TRMT2A: variants seen among roughly 807,000 people sequenced by gnomAD.
TRMT2A encodes tRNA (uracil-5-)-methyltransferase homolog A.
Under a neutral mutation model 59.3 loss-of-function variants are expected in TRMT2A, and 60 were observed. The observed-to-expected ratio is 1.01, with a 90% CI of 0.82 to 1.26. The LOEUF (loss-of-function observed/expected upper bound fraction) is 1.26, where lower values mean the gene tolerates loss of function less well. Ranked by LOEUF, TRMT2A falls within the 50% of genes most tolerant of loss-of-function variation. TRMT2A has a pLI of 0.00. For synonymous variants in TRMT2A, 403 were observed against 353.7 expected (o/e 1.14, Z -1.56); for missense variants, 863 against 845.2 (o/e 1.02, Z -0.26).
Position 20,115,041 on chromosome 22 carries a change from G to A in TRMT2A, c.929C>T (p.Thr310Ile). 1 of 1,597,776 alleles carries A rather than the reference G, an allele frequency of 6.3e-7. No homozygotes were observed. Residue 310 changes from threonine (T) to isoleucine (I), a missense_variant, in exon 5 of 12, where the codon ACA (threonine) becomes ATA (isoleucine). Transcript: ENST00000252136. ...CACAGTCAGCTGCTTCCAGTGGCCT[G>A]TGTACGTCTCTGGGTCGTATGCCGA... ...PYSAYDPETYTGHWKQLTVRT... is the reference protein window; with the variant it reads ...PYSAYDPETYIGHWKQLTVRT...
intron 10 of TRMT2A, 39 bp from the exon 11 acceptor site, chr22:20,113,046 G>GCA: frequency 6.2e-7 from 1 of 1,612,774 alleles, no homozygotes; most frequent in South Asian, 1.1e-5. Flanking sequence ...CACAGCCAGA[G>GCA]AGTGCATAAC....
In TRMT2A at chr22:20,112,374, G is replaced by A; in HGVS notation, c.*189C>T. The A allele has an allele frequency of 2.8e-6, 2 of 712,374 alleles. No individual in the cohort carries two copies. The highest frequency in any genetic ancestry group is 2.7e-5 in the East Asian group (1 of 36,636). The allele number at this position is 712,374 out of a possible 1,614,324, so 44.1% of individuals were successfully genotyped here. ...CAAAGGCCCTGGGGATGGGCAACAGGCTACAGGAACCCACCTGTCTTCCTG... is the reference window on the plus strand; with the variant it reads ...CAAAGGCCCTGGGGATGGGCAACAGACTACAGGAACCCACCTGTCTTCCTG... On this transcript the variant is annotated 3_prime_UTR_variant, in exon 12 of 12. Transcript: ENST00000252136.
intron 2 of TRMT2A, 26 bp from the exon 3 acceptor site, chr22:20,115,806 G>A (rs767025591): frequency 6.3e-7 from 1 of 1,589,566 alleles, no homozygotes. Context: ...ATCGGTGGTT[G>A]GACTCCACCT....
At chr22:20,113,307 A>G (rs1030060006) in intron 9 of TRMT2A, 73 bp from the exon 10 acceptor site, 12 of 1,509,230 alleles carry the variant, frequency 8.0e-6, no homozygotes, top group Non-Finnish European at 1.1e-5. Flanking sequence ...GGGAACCCCT[A>G]GCCAAAGAGC....
chr22:20,112,625 G>C lies in TRMT2A; in HGVS notation c.1816C>G (p.Gln606Glu). The C allele has an allele frequency of 6.2e-7, 1 of 1,614,104 alleles. No homozygotes were observed. Among genetic ancestry groups the C allele is most frequent in the Non-Finnish European group, 8.5e-7 (1 of 1,180,038 alleles). The change falls in exon 12 of 12, where the codon CAA becomes GAA. Residue 606 changes from glutamine (Q) to glutamate (E), a missense_variant. By Grantham distance (29) the Gln-to-Glu change is conservative. Coordinates refer to ENST00000252136, the MANE Select transcript of TRMT2A (RefSeq NM_022727.6). ...GVLGPHSPPA[Q>E]PTPGPPDNTL... ...TTATCTGGGGGTCCTGGTGTGGGTT[G>C]AGCTGGAGGGCTGTGGGGCCCCAAG...
intron 9 of TRMT2A, 30 bp downstream of exon 9, chr22:20,113,402 C>CCCCCCCCCCCCCCCCG: frequency 7.1e-7 from 1 of 1,402,248 alleles, no homozygotes; most frequent in Non-Finnish European, 1.0e-6. Context: ...TGCCCCCATC[C>CCCCCCCCCCCCCCCCG]CCACCCCCAC....
rs775574983 is a variant in TRMT2A, at chr22:20,113,791, G to A, written c.1251C>T (p.Ala417=). 1.9e-4 allele frequency: 306 copies of A among 1,585,776 alleles called. 3 individuals carry two copies. In the East Asian group the frequency reaches 6.5e-3, roughly 34 times the overall value. ...CCTGGATGACTGTGTAGAGCACCTC[G>A]GCTGCGGGTGTGTTCACCTGGGGGC... ...HAFFQVNTPA[A]EVLYTVIQDW... is the part of the protein sequence containing the mutation. Residue 417 remains alanine, a synonymous_variant, in exon 8 of 12, where the codon GCC becomes GCT. Transcript: ENST00000252136.
intron 2 of TRMT2A, 37 bp downstream of exon 2, chr22:20,116,001 G>C (rs758993752): frequency 7.2e-6 from 11 of 1,525,306 alleles, no homozygotes; most frequent in Non-Finnish European, 9.7e-6. Flanking sequence ...GCCGGGCAGA[G>C]CCCTGGCCAA....
rs2049913997 is a variant in TRMT2A, at chr22:20,113,521, G to C, written c.1357-14C>G. 3 of 1,613,236 alleles carry C rather than the reference G, an allele frequency of 1.9e-6. No individual in the cohort carries two copies. The Admixed American group carries it at 5.0e-5, about 27-fold the overall frequency. ...CCTCTTTACCTTCTGAAACAGGAAA[G>C]CGTGGTGTCGCCCCACCCAGGGAGG... On this transcript the variant is annotated splice_polypyrimidine_tract_variant and intron_variant, in intron 8 of 11. Coordinates refer to ENST00000252136, the MANE Select transcript of TRMT2A (RefSeq NM_022727.6).
At chr22:20,113,400 T>G in intron 9 of TRMT2A, 32 bp downstream of exon 9, 207 of 1,048,862 alleles carry the variant, frequency 2.0e-4, no homozygotes, top group Non-Finnish European at 2.7e-4. Flanking sequence ...GCTGCCCCCA[T>G]CCCCACCCCC....
At chr22:20,114,548 C>T (rs746172974) in intron 7 of TRMT2A, 26 bp downstream of exon 7, 2 of 1,587,944 alleles carry the variant, frequency 1.3e-6, no homozygotes, top group Non-Finnish European at 1.7e-6. Flanking sequence ...AACATGTCCC[C>T]ATGCCCACCA....
Position 20,115,350 on chromosome 22 carries a change from G to T in TRMT2A, c.806C>A (p.Thr269Lys), listed in dbSNP as rs779580149. The T allele has an allele frequency of 6.2e-7, 1 of 1,612,620 alleles. No homozygotes were observed. Among genetic ancestry groups the T allele is most frequent in the African/African-American group, 1.3e-5 (1 of 74,884 alleles). ...GCRLGKYKGG[T>K]CAVAAPFDTV... is the part of the protein sequence containing the mutation. ...GTCAAACGGGGCTGCCACAGCACAC[G>T]TCCCGCCCTTGTACTTGCCGAGCCG... Residue 269 changes from threonine to lysine, a missense_variant, in exon 4 of 12, where the codon ACG becomes AAG. Physicochemically the swap from Thr to Lys is moderately conservative, Grantham distance 78. Coordinates refer to ENST00000252136, the MANE Select transcript of TRMT2A (RefSeq NM_022727.6).
At chr22:20,113,042 CAG>C (rs758291526) in intron 10 of TRMT2A, 35 bp from the exon 11 acceptor site, 3 of 1,612,866 alleles carry the variant, frequency 1.9e-6, no homozygotes, top group Non-Finnish European at 1.7e-6. Flanking sequence ...TCCCCACAGC[CAG>C]AGAGTGCATA....
At chr22:20,115,901 G>A (rs1432078613) in intron 2 of TRMT2A, 121 bp from the exon 3 acceptor site, 28 of 1,370,930 alleles carry the variant, frequency 2.0e-5, no homozygotes, top group Admixed American at 5.0e-5. Flanking sequence ...CCACTGTGAC[G>A]TGGGTGTCTT....
chr22:20,113,931 G>T, intron 7 of TRMT2A, 123 bp from the exon 8 acceptor site: 1 of 1,319,926 alleles, frequency 7.6e-7, no homozygotes. Flanking sequence ...CCCCACCTTG[G>T]TGCCCAACGT....
chr22:20,113,531 G>A (rs372093812), intron 8 of TRMT2A, 24 bp from the exon 9 acceptor site: 94 of 1,612,768 alleles, frequency 5.8e-5, no homozygotes, highest in Admixed American at 1.3e-4. Context: ...GCGTGGTGTC[G>A]CCCCACCCAG....
chr22:20,114,284 G>C (rs563321056), intron 7 of TRMT2A, among the ~76,000 whole-genome samples: 1 of 152,312 alleles, frequency 6.6e-6, no homozygotes, highest in East Asian at 1.9e-4. Context: ...CCAGCCCAGA[G>C]GCCACCATGG....
At chr22:20,113,271 A>G (rs886933297) in intron 9 of TRMT2A, 37 bp from the exon 10 acceptor site, 20 of 1,515,854 alleles carry the variant, frequency 1.3e-5, no homozygotes, top group East Asian at 1.1e-4. Flanking sequence ...AGAGGGCCAC[A>G]TGCCCTCCCA....
Position 20,116,916 on chromosome 22 carries a change from G to A in TRMT2A, c.-10C>T, listed in dbSNP as rs929029334. 6.3e-7 allele frequency: 1 copy of A among 1,595,138 alleles called. No individual in the cohort carries two copies. The highest frequency in any genetic ancestry group is 8.5e-7 in the Non-Finnish European group (1 of 1,171,020). Reference sequence around the variant, plus strand: ...CGAGGTTCTCACTCATCGCCCAGGCGGTTCTCCGCCTAGACCAGGGACGCC... The same window carrying A: ...CGAGGTTCTCACTCATCGCCCAGGCAGTTCTCCGCCTAGACCAGGGACGCC... On this transcript the variant is annotated 5_prime_UTR_variant, in exon 1 of 12. Coordinates refer to ENST00000252136, the MANE Select transcript of TRMT2A (RefSeq NM_022727.6).
Sources: allele counts gnomAD v4.1 joint callset (sites outside exome capture counted in the v4.1 genomes callset), GRCh38; gene constraint gnomAD v4.1.1; transcripts MANE v1.5; gene names NCBI Gene and HGNC (gene_info 2026-07-23, HGNC 2026-07-21).